Variants in ANKRD13C observed in about 807,000 individuals in gnomAD.
ANKRD13C encodes the protein ankyrin repeat domain 13C, also known as ankyrin repeat domain-containing protein 13C.
Under a neutral mutation model 65.5 loss-of-function variants are expected in ANKRD13C, and 16 were observed. That is an observed-to-expected ratio of 0.24 (90% CI 0.17 to 0.37). The LOEUF (loss-of-function observed/expected upper bound fraction) is 0.37, where lower values mean the gene tolerates loss of function less well. Among genes scored for constraint, ANKRD13C ranks in the 10% least tolerant of loss-of-function variants. ANKRD13C has a pLI of 1.00. For missense variants in ANKRD13C, 503 were observed against 655.9 expected, an observed-to-expected ratio of 0.77 and a Z score of 2.55; for synonymous variants, 235 against 238.7, an observed-to-expected ratio of 0.98 and a Z score of 0.14.
intron 9 of ANKRD13C, among the ~76,000 whole-genome samples, chr1:70,284,879 C>T (rs1015084780): frequency 2.6e-5 from 4 of 152,064 alleles, no homozygotes; most frequent in Non-Finnish European, 5.9e-5. Context: ...GTTTTCATTC[C>T]TGTTGTTTTC....
intron 12 of ANKRD13C, among the ~76,000 whole-genome samples, chr1:70,269,453 G>C (rs1459171458): frequency 6.6e-6 from 1 of 152,098 alleles, no homozygotes; most frequent in African/African-American, 2.4e-5. Flanking sequence ...GGTTTGTCAT[G>C]GGTCTCTTAA....
rs561544107 is a variant in ANKRD13C, at chr1:70,300,056, C to T, written c.921+708G>A. ...CAAAGAGTTAGGAAAAGTAAGACTG[C>T]AGACAGAGCCAAAAGAAGTATTCAT... On this transcript the variant is annotated intron_variant, in intron 7 of 12. Transcript: ENST00000370944. 3.9e-4 allele frequency among the ~76,000 whole-genome samples: 59 copies of T among 152,108 alleles called. 1 individual carries two copies. The highest frequency in any genetic ancestry group is 1.4e-3 in the African/African-American group (56 of 41,470).
intron 5 of ANKRD13C, among the ~76,000 whole-genome samples, chr1:70,307,583 T>A (rs1239818400): frequency 3.9e-5 from 6 of 152,214 alleles, no homozygotes; most frequent in Admixed American, 3.9e-4. Flanking sequence ...AAGAAAAGTT[T>A]ATTGTCCAGA....
At chr1:70,309,489 C>G (rs12029977) in intron 5 of ANKRD13C, among the ~76,000 whole-genome samples, 16,641 of 149,782 alleles carry the variant, frequency 0.11, 1,149 homozygotes, top group East Asian at 0.34. Context: ...GAGGCCGAGG[C>G]GGGTGGATCA....
intron 5 of ANKRD13C, among the ~76,000 whole-genome samples, chr1:70,313,467 C>A (rs896814991): frequency 6.7e-6 from 1 of 149,030 alleles, no homozygotes. Context: ...GGGTTCGAGG[C>A]TGTAGTAAGC....
intron 3 of ANKRD13C, 105 bp from the exon 4 acceptor site, chr1:70,315,671 G>T: frequency 1.2e-6 from 1 of 808,512 alleles, no homozygotes; most frequent in Non-Finnish European, 1.9e-6. Context: ...ACACATATAT[G>T]CACGTGCATG....
chr1:70,341,778 G>A (rs12121935), intron 1 of ANKRD13C, among the ~76,000 whole-genome samples: 10,803 of 151,900 alleles, frequency 0.071, 488 homozygotes, highest in South Asian at 0.2. Flanking sequence ...CTATCTGGAA[G>A]GTATACATAT....
At chr1:70,276,655 A>G in intron 10 of ANKRD13C, 110 bp downstream of exon 10, 1 of 904,416 alleles carries the variant, frequency 1.1e-6, no homozygotes, top group Non-Finnish European at 1.7e-6. Flanking sequence ...AGTCAAAAAT[A>G]TACCAATAAT....
At chr1:70,276,366 T>C (rs1679134727) in intron 10 of ANKRD13C, among the ~76,000 whole-genome samples, 1 of 152,094 alleles carries the variant, frequency 6.6e-6, no homozygotes, top group Non-Finnish European at 1.5e-5. Flanking sequence ...AAAAAGAAGA[T>C]AAATAATGAA....
intron 4 of ANKRD13C, 47 bp from the exon 5 acceptor site, chr1:70,313,837 G>T (rs766939042): frequency 7.2e-7 from 1 of 1,392,224 alleles, no homozygotes; most frequent in Non-Finnish European, 1.0e-6. Flanking sequence ...TTAGTTAAAA[G>T]TTCTTATGCT....
At chr1:70,334,339 A>G (rs1180067923) in intron 2 of ANKRD13C, among the ~76,000 whole-genome samples, 3 of 152,186 alleles carry the variant, frequency 2.0e-5, no homozygotes, top group Non-Finnish European at 4.4e-5. Flanking sequence ...AATAAAAATT[A>G]TATTATCCTG....
chr1:70,272,319 G>A (rs189458509), intron 11 of ANKRD13C, among the ~76,000 whole-genome samples: 99 of 151,604 alleles, frequency 6.5e-4, no homozygotes, highest in African/African-American at 2.3e-3. Context: ...TCCGCCTCCC[G>A]GGTTCAAGTG....
intron 5 of ANKRD13C, among the ~76,000 whole-genome samples, chr1:70,310,621 G>T (rs1680808659): frequency 1.3e-5 from 2 of 152,070 alleles, no homozygotes; most frequent in African/African-American, 4.8e-5. Context: ...AGAAGTGATT[G>T]CATGTATTTA....
chr1:70,270,209 T>A lies in ANKRD13C; in HGVS notation c.1495+647A>T, dbSNP rs72929241. 4.2e-3 allele frequency among the ~76,000 whole-genome samples: 638 copies of A among 152,290 alleles called. 3 individuals carry two copies. Among genetic ancestry groups the A allele is most frequent in the African/African-American group, 0.015 (608 of 41,562 alleles). On this transcript the variant is annotated intron_variant, in intron 12 of 12. Transcript: ENST00000370944. ...CAGAAACTGAAAGCATAGCTGAAAATCTGGGCTAATCTCTAGTCTCCCTAT... is the reference window on the plus strand; with the variant it reads ...CAGAAACTGAAAGCATAGCTGAAAAACTGGGCTAATCTCTAGTCTCCCTAT...
intron 7 of ANKRD13C, 47 bp downstream of exon 7, chr1:70,300,717 T>G (rs528283607): frequency 3.6e-5 from 50 of 1,398,248 alleles, no homozygotes; most frequent in Non-Finnish European, 4.5e-5. Flanking sequence ...AAACCTATAC[T>G]TTTTTTTTAA....
intron 1 of ANKRD13C, among the ~76,000 whole-genome samples, chr1:70,345,817 A>C (rs1342533771): frequency 2.6e-5 from 4 of 152,192 alleles, no homozygotes; most frequent in African/African-American, 9.7e-5. Flanking sequence ...CCTTGAAGTC[A>C]TAGGTTTACT....
At position 70,354,173 on chromosome 1, in the gene ANKRD13C, G is replaced by T; in HGVS notation, c.236C>A (p.Pro79Gln). 6.2e-7 allele frequency: 1 copy of T among 1,614,098 alleles called. No homozygotes were observed. Among genetic ancestry groups the T allele is most frequent in the Non-Finnish European group, 8.5e-7 (1 of 1,180,034 alleles). The stretch of plus-strand genomic sequence containing the variant: ...GGCAGTCACGGAGGAATTGTGCAGC[G>T]GCAGAGCCGGGGCGCCGGGGGGATT... The part of the protein sequence containing the change: ...SSNPPGAPAL[P>Q]LHNSSVTANS... Residue 79 changes from proline (P) to glutamine (Q), a missense_variant, in exon 1 of 13, where the codon CCG (proline) becomes CAG (glutamine). Pro to Gln is a moderately conservative substitution (Grantham distance 76). This residue lies in a region of ANKRD13C where 203 missense variants were observed against 177.6 expected (regional missense o/e 1.14). Coordinates refer to ENST00000370944, the MANE Select transcript of ANKRD13C (RefSeq NM_030816.5).
intron 5 of ANKRD13C, among the ~76,000 whole-genome samples, chr1:70,306,596 A>G (rs889230187): frequency 2.0e-5 from 3 of 152,134 alleles, no homozygotes; most frequent in Non-Finnish European, 4.4e-5. Flanking sequence ...GTAAACAATA[A>G]CCCTATGGTA....
chr1:70,338,747 G>A (rs1172787981), intron 1 of ANKRD13C, among the ~76,000 whole-genome samples: 1 of 152,130 alleles, frequency 6.6e-6, no homozygotes, highest in East Asian at 1.9e-4. Flanking sequence ...ATTAGGAGCC[G>A]TCTGTGGGTC....
Sources: gnomAD v4.1 joint callset for allele counts (sites outside exome capture counted in the v4.1 genomes callset) on GRCh38, gnomAD v4.1.1 for gene constraint, gnomAD v4.1.1 regional missense constraint, MANE v1.5 for transcripts, NCBI Gene and HGNC (gene_info 2026-07-23, HGNC 2026-07-21) for gene names.